The following OPCML variants were observed in gnomAD, a reference collection of about 807,000 sequenced individuals.
OPCML encodes the protein opioid binding protein/cell adhesion molecule like.
OPCML carries 13 observed loss-of-function variants against 37.8 expected under a neutral mutation model. The ratio of observed to expected loss-of-function variants is 0.34; its 90% confidence interval spans 0.22 to 0.55. The LOEUF (loss-of-function observed/expected upper bound fraction) is 0.55. Ranked by LOEUF, OPCML falls within the 20% of genes least tolerant of loss-of-function variation. The probability of loss-of-function intolerance (pLI) is 0.91; values close to 1 mark genes in which losing one functional copy is unlikely to be tolerated. For synonymous variants in OPCML, 176 were observed against 168.8 expected (o/e 1.04, Z -0.33); for missense variants, 341 against 435.6 (o/e 0.78, Z 1.93).
intron 1 of OPCML, chr11:133,118,366 T>G (rs1949368647): frequency 2.0e-6 from 2 of 985,126 alleles, no homozygotes; most frequent in Non-Finnish European, 2.4e-6. Flanking sequence ...TGTTTAACGG[T>G]GAGAGTTATA....
In OPCML at chr11:132,657,119, G is replaced by A. The variant is rs1420933601; in HGVS notation, c.347C>T (p.Pro116Leu). The change falls in exon 3 of 8, where the codon CCC becomes CTC. Residue 116 changes from proline to leucine, a missense_variant. By Grantham distance (98) the Pro-to-Leu change is moderately conservative. Coordinates refer to ENST00000524381, the MANE Select transcript of OPCML (RefSeq NM_001012393.5). ...TATTAGGTGAACCCGGGACGTTTTG[G>A]GATGATTGTCTGTCTGCACAGAGCA... The part of the protein sequence containing the change: ...YTCSVQTDNH[P>L]KTSRVHLIVQ... The A allele has an allele frequency of 6.2e-7, 1 of 1,614,198 alleles. No homozygotes were observed. The highest frequency in any genetic ancestry group is 1.7e-5 in the Admixed American group (1 of 60,026).
At chr11:132,625,617 G>A (rs747486399) in intron 3 of OPCML, among the ~76,000 whole-genome samples, 18 of 152,140 alleles carry the variant, frequency 1.2e-4, no homozygotes, top group South Asian at 2.1e-4. Flanking sequence ...GCTTTCCTAT[G>A]TGCTAACACG....
chr11:133,244,040 G>C (rs1477563483), intron 1 of OPCML, among the ~76,000 whole-genome samples: 1 of 152,170 alleles, frequency 6.6e-6, no homozygotes, highest in Non-Finnish European at 1.5e-5. Flanking sequence ...GGGCTCCAGG[G>C]GTGAGAAGGC....
intron 2 of OPCML, among the ~76,000 whole-genome samples, chr11:132,663,021 T>C (rs937310754): frequency 6.6e-6 from 1 of 152,256 alleles, no homozygotes; most frequent in East Asian, 1.9e-4. Flanking sequence ...ACAGGGTGCA[T>C]ACCTTTGTGT....
At chr11:132,704,331 T>C (rs148891979) in intron 2 of OPCML, among the ~76,000 whole-genome samples, 1,920 of 152,288 alleles carry the variant, frequency 0.013, 47 homozygotes, top group African/African-American at 0.044. Flanking sequence ...ACAAAGAAGG[T>C]CTACCTACAT....
rs1036806514 is a variant in OPCML, at chr11:133,212,308, G to A, written c.62-269298C>T. 6.6e-6 allele frequency among the ~76,000 whole-genome samples: 1 copy of A among 152,114 alleles called. No individual in the cohort carries two copies. The highest frequency in any genetic ancestry group is 1.5e-5 in the Non-Finnish European group (1 of 68,020). Reference sequence around the variant, plus strand: ...ACAGCTGGGCATCATCTACCGCCCTGCTTCCCATTTCCTCTCAGATCTCAT... The same window carrying A: ...ACAGCTGGGCATCATCTACCGCCCTACTTCCCATTTCCTCTCAGATCTCAT... On this transcript the variant is annotated intron_variant, in intron 1 of 7. Coordinates refer to ENST00000524381, the MANE Select transcript of OPCML (RefSeq NM_001012393.5). This position sits in a 1 kb window ranked among gnomAD's most constrained non-coding sequence, Gnocchi z 4.9.
chr11:132,723,174 C>T (rs971843928), intron 2 of OPCML, among the ~76,000 whole-genome samples: 3 of 152,154 alleles, frequency 2.0e-5, no homozygotes, highest in African/African-American at 7.2e-5. Flanking sequence ...GGGTATGTGC[C>T]ACAGCATGCT....
chr11:133,314,966 C>G (rs1242661605), intron 1 of OPCML, among the ~76,000 whole-genome samples: 1 of 141,492 alleles, frequency 7.1e-6, no homozygotes, highest in East Asian at 2.3e-4. Flanking sequence ...ACCTTGAAAA[C>G]CACACCTCAG....
At chr11:133,262,412 A>G (rs1941522152) in intron 1 of OPCML, among the ~76,000 whole-genome samples, 1 of 152,210 alleles carries the variant, frequency 6.6e-6, no homozygotes, top group African/African-American at 2.4e-5. Context: ...AGAGAAAAAG[A>G]GGAATGAGGA....
intron 1 of OPCML, among the ~76,000 whole-genome samples, chr11:133,356,569 G>A (rs1314954286): frequency 6.6e-6 from 1 of 152,092 alleles, no homozygotes; most frequent in Non-Finnish European, 1.5e-5. Flanking sequence ...CTTTTCCCTT[G>A]TTTAACTTGA....
intron 4 of OPCML, among the ~76,000 whole-genome samples, chr11:132,498,598 C>T (rs1411804077): frequency 1.3e-5 from 2 of 152,154 alleles, no homozygotes; most frequent in African/African-American, 4.8e-5. Context: ...CTCTACGACC[C>T]CTCCACAGAG....
intron 1 of OPCML, among the ~76,000 whole-genome samples, chr11:133,157,310 T>A (rs1356675268): frequency 1.3e-5 from 2 of 152,092 alleles, no homozygotes; most frequent in African/African-American, 4.8e-5. Flanking sequence ...TAAGGAAGCA[T>A]CTCGCTGTTC....
chr11:132,743,805 AG>A lies in OPCML; in HGVS notation c.147-86487del, dbSNP rs544169359. On this transcript the variant is annotated intron_variant, in intron 2 of 7. Coordinates refer to ENST00000524381, the MANE Select transcript of OPCML (RefSeq NM_001012393.5). ...TGTTCATGTGAAAAGCAGCCTTAAA[AG>A]TTTCCCATTATATCACAGTAGCATC... 7.9e-5 allele frequency among the ~76,000 whole-genome samples: 12 copies of A among 152,312 alleles called. No homozygotes were observed. The South Asian group carries it at 2.5e-3, about 32-fold the overall frequency.
intron 3 of OPCML, among the ~76,000 whole-genome samples, chr11:132,578,661 CTG>C (rs545286290): frequency 1.0e-3 from 153 of 152,276 alleles, no homozygotes; most frequent in Middle Eastern, 3.4e-3. Flanking sequence ...GTAGCTCTGC[CTG>C]TCTTTGTGCC....
At chr11:133,291,804 A>G (rs912385535) in intron 1 of OPCML, among the ~76,000 whole-genome samples, 1 of 152,158 alleles carries the variant, frequency 6.6e-6, no homozygotes, top group African/African-American at 2.4e-5. Context: ...TGCTATTCTA[A>G]AATCTTCACA....
intron 2 of OPCML, among the ~76,000 whole-genome samples, chr11:132,723,837 C>T (rs1944768842): frequency 6.6e-6 from 1 of 152,164 alleles, no homozygotes; most frequent in African/African-American, 2.4e-5. Flanking sequence ...GTCCTCTAGC[C>T]CTTTCCTTCT....
chr11:133,460,438 A>G (rs976228113), intron 1 of OPCML, among the ~76,000 whole-genome samples: 3 of 151,460 alleles, frequency 2.0e-5, no homozygotes, highest in Non-Finnish European at 4.4e-5. Flanking sequence ...TTTAAAAAAC[A>G]TTAGCAACAT....
rs77099221 is a variant in OPCML, at chr11:132,936,631, T to C, written c.146+6295A>G. ...GCTAGGTACAGACAGTTCCTTTCTC[T>C]AAACTTCTCTACCGGGAAAGCCATA... On this transcript the variant is annotated intron_variant, in intron 2 of 7. Coordinates refer to ENST00000524381, the MANE Select transcript of OPCML (RefSeq NM_001012393.5). Among the ~76,000 whole-genome samples, 1,089 of 152,210 alleles carry C rather than the reference T, an allele frequency of 7.2e-3. 17 individuals are homozygous for C. The highest frequency in any genetic ancestry group is 0.025 in the African/African-American group (1,018 of 41,536).
At chr11:133,136,411 G>A (rs1007450230) in intron 1 of OPCML, among the ~76,000 whole-genome samples, 1 of 152,164 alleles carries the variant, frequency 6.6e-6, no homozygotes, top group East Asian at 1.9e-4. Flanking sequence ...GAGTTTGCAA[G>A]CACTGCAGAG....
Sources: gnomAD v4.1 joint callset for allele counts (sites outside exome capture counted in the v4.1 genomes callset) on GRCh38, gnomAD v4.1.1 for gene constraint, Gnocchi (gnomAD v3.1) non-coding constraint, MANE v1.5 for transcripts, NCBI Gene and HGNC (gene_info 2026-07-23, HGNC 2026-07-21) for gene names.